The following CTNNA3 variants were observed in gnomAD, a reference collection of about 807,000 sequenced individuals.
The protein encoded by CTNNA3 is catenin alpha-3.
CTNNA3 carries 76 observed loss-of-function variants against 95.7 expected under a neutral mutation model. The ratio of observed to expected loss-of-function variants is 0.79; its 90% CI spans 0.66 to 0.96. CTNNA3 has a LOEUF of 0.96. CTNNA3 is among the 40% of genes least tolerant of loss of function. CTNNA3 has a pLI of 0.00. For synonymous variants in CTNNA3, 431 were observed against 374.4 expected, an observed-to-expected ratio of 1.15 and a Z score of -1.74; for missense variants, 1,191 against 1,089.8, an observed-to-expected ratio of 1.09 and a Z score of -1.31.
intron 12 of CTNNA3, among the ~76,000 whole-genome samples, chr10:66,370,653 C>A (rs2092747028): frequency 6.6e-6 from 1 of 152,018 alleles, no homozygotes; most frequent in Admixed American, 6.6e-5. Context: ...GCCTCTGATC[C>A]CCTCGGGCCT....
rs2093336512 is a variant in CTNNA3 at position 66,436,181 on chromosome 10, T to C, written c.1532-56829A>G. On this transcript the variant is annotated intron_variant, in intron 11 of 17. Transcript: ENST00000433211. ...TTTGAGGTGGAGAGTTTGGTAGATG[T>C]CTATTAGGTCTGCTCGGACCTGAGC... 2.6e-5 allele frequency among the ~76,000 whole-genome samples: 4 copies of C among 152,326 alleles called. No homozygotes were observed. In the South Asian group the frequency reaches 8.3e-4, roughly 32 times the overall value.
intron 7 of CTNNA3, among the ~76,000 whole-genome samples, chr10:67,070,419 T>TC (rs1856374462): frequency 6.6e-6 from 1 of 152,126 alleles, no homozygotes; most frequent in African/African-American, 2.4e-5. Flanking sequence ...CCAATCTCTC[T>TC]CTATATATAT....
At chr10:67,701,182 C>T (rs941373181), upstream of CTNNA3, among the ~76,000 whole-genome samples, 1 of 152,134 alleles carries the variant, frequency 6.6e-6, no homozygotes, top group Non-Finnish European at 1.5e-5. Context: ...CAGAATGGAA[C>T]CAAGTTGGAA....
chr10:66,743,307 C>T (rs1589199544), intron 9 of CTNNA3, among the ~76,000 whole-genome samples: 1 of 152,078 alleles, frequency 6.6e-6, no homozygotes, highest in Non-Finnish European at 1.5e-5. Flanking sequence ...AGGAAAAACC[C>T]TTAGAATTAG....
At chr10:67,631,469 T>G (rs1023836930) in intron 2 of CTNNA3, among the ~76,000 whole-genome samples, 8 of 152,178 alleles carry the variant, frequency 5.3e-5, no homozygotes, top group African/African-American at 1.9e-4. Flanking sequence ...TGACTTTGAG[T>G]TATATACAGA....
intron 7 of CTNNA3, among the ~76,000 whole-genome samples, chr10:66,932,554 CCT>C (rs879824838): frequency 6.6e-5 from 10 of 152,022 alleles, no homozygotes; most frequent in Non-Finnish European, 1.2e-4. Flanking sequence ...CTCCTAGCTA[CCT>C]ACACTAAAAA....
At chr10:66,425,713 CAT>C (rs1173532123) in intron 11 of CTNNA3, among the ~76,000 whole-genome samples, 1 of 151,910 alleles carries the variant, frequency 6.6e-6, no homozygotes, top group African/African-American at 2.4e-5. Context: ...TATACACACA[CAT>C]ATATATTCAC....
intron 14 of CTNNA3, among the ~76,000 whole-genome samples, chr10:66,080,451 T>G (rs1416729387): frequency 6.6e-6 from 1 of 152,162 alleles, no homozygotes; most frequent in African/African-American, 2.4e-5. Flanking sequence ...TGAAAATGTT[T>G]AGGGACAACA....
intron 11 of CTNNA3, among the ~76,000 whole-genome samples, chr10:66,422,294 C>T (rs912786899): frequency 2.6e-5 from 4 of 152,060 alleles, no homozygotes; most frequent in African/African-American, 9.7e-5. Flanking sequence ...TCCTCAGTAG[C>T]TCTTGCTAAA....
At chr10:66,428,624 G>T (rs1255139496) in intron 11 of CTNNA3, among the ~76,000 whole-genome samples, 4 of 146,410 alleles carry the variant, frequency 2.7e-5, no homozygotes, top group Non-Finnish European at 4.5e-5. Flanking sequence ...CAACTACATG[G>T]AAACTGAACA....
intron 11 of CTNNA3, among the ~76,000 whole-genome samples, chr10:66,466,494 G>T (rs921912491): frequency 6.6e-6 from 1 of 151,898 alleles, no homozygotes; most frequent in African/African-American, 2.4e-5. Flanking sequence ...CTCATGATCT[G>T]ACTGCTGGAG....
At chr10:66,691,310 C>A (rs1325836121) in intron 9 of CTNNA3, among the ~76,000 whole-genome samples, 1 of 152,182 alleles carries the variant, frequency 6.6e-6, no homozygotes, top group Non-Finnish European at 1.5e-5. Flanking sequence ...AGATTATATC[C>A]CACACATGGC....
At chr10:66,813,390 T>C (rs1841956728) in intron 7 of CTNNA3, among the ~76,000 whole-genome samples, 1 of 152,188 alleles carries the variant, frequency 6.6e-6, no homozygotes, top group African/African-American at 2.4e-5. Flanking sequence ...ACTCAATTTG[T>C]GAAATGATAG....
At chr10:65,990,066 TTGTGTGTAGTGTGTGTGTG>T (rs1378413708) in intron 15 of CTNNA3, among the ~76,000 whole-genome samples, 1 of 2,956 alleles carries the variant, frequency 3.4e-4, no homozygotes, top group African/African-American at 5.1e-4. Flanking sequence ...GTGTTTCATT[TTGTGTGTAGTGTGTGTGTG>T]TGTGTGTGTA....
chr10:66,305,861 A>G (rs1463150007), intron 12 of CTNNA3, among the ~76,000 whole-genome samples: 1 of 152,186 alleles, frequency 6.6e-6, no homozygotes, highest in Non-Finnish European at 1.5e-5. Context: ...TCTCTCTCTT[A>G]TCCCTTGCAC....
At chr10:67,030,864 T>C (rs576200393) in intron 7 of CTNNA3, among the ~76,000 whole-genome samples, 77 of 152,014 alleles carry the variant, frequency 5.1e-4, no homozygotes, top group African/African-American at 1.8e-3. Context: ...ATTAGCCAGG[T>C]GTGGTGGCGG....
intron 3 of CTNNA3, among the ~76,000 whole-genome samples, chr10:67,582,442 G>A (rs1842440891): frequency 6.8e-6 from 1 of 147,996 alleles, no homozygotes; most frequent in East Asian, 2.0e-4. Context: ...TATAATTTCT[G>A]TTCTTTTACA....
At chr10:66,416,828 G>C (rs574276895) in intron 11 of CTNNA3, among the ~76,000 whole-genome samples, 1 of 152,062 alleles carries the variant, frequency 6.6e-6, no homozygotes, top group African/African-American at 2.4e-5. Flanking sequence ...AAACATGGAA[G>C]CAAAAGGACA....
chr10:66,304,651 T>C (rs1355026468), intron 12 of CTNNA3, among the ~76,000 whole-genome samples: 1 of 152,042 alleles, frequency 6.6e-6, no homozygotes, highest in Non-Finnish European at 1.5e-5. Context: ...AAAATAAAAT[T>C]TGATCCTACA....
Sources: gnomAD v4.1 joint callset for allele counts (sites outside exome capture counted in the v4.1 genomes callset) on GRCh38, gnomAD v4.1.1 for gene constraint, MANE v1.5 for transcripts, NCBI Gene and HGNC (gene_info 2026-07-23, HGNC 2026-07-21) for gene names.